The following SIL1 variants were observed in gnomAD, a reference collection of about 807,000 sequenced individuals.
SIL1 encodes SIL1 nucleotide exchange factor, also known as nucleotide exchange factor SIL1.
Under a neutral mutation model 49.1 loss-of-function variants are expected in SIL1, and 40 were observed. That is an observed-to-expected ratio of 0.81 (90% CI 0.63 to 1.06). The LOEUF is 1.06. SIL1 is among the 50% of genes least tolerant of loss of function. The probability of loss-of-function intolerance (pLI) is 0.00; values close to 1 mark genes in which losing one functional copy is unlikely to be tolerated. For missense variants in SIL1, 500 were observed against 572.6 expected (o/e 0.87, Z 1.29); for synonymous variants, 253 against 250.8 (o/e 1.01, Z -0.08).
intron 1 of SIL1, chr5:139,131,756 G>A (rs1476216349): frequency 6.6e-6 from 1 of 152,398 alleles, no homozygotes; most frequent in African/African-American, 2.4e-5. Flanking sequence ...ATCCCTGGGT[G>A]TGAGCAGGAG....
intron 5 of SIL1, 95 bp downstream of exon 5, chr5:139,042,525 T>G: frequency 2.0e-6 from 2 of 1,019,750 alleles, no homozygotes; most frequent in Admixed American, 1.7e-5. Context: ...TATCCCATGT[T>G]TATTGCAAGA....
chr5:139,185,886 T>A (rs929412254), intron 1 of SIL1, among the ~76,000 whole-genome samples: 18 of 152,274 alleles, frequency 1.2e-4, no homozygotes, highest in Non-Finnish European at 4.4e-5. Flanking sequence ...TGCAAAAGGT[T>A]CCATGGAGAT....
At chr5:139,101,308 C>T (rs1026353058) in intron 3 of SIL1, among the ~76,000 whole-genome samples, 1 of 152,184 alleles carries the variant, frequency 6.6e-6, no homozygotes, top group African/African-American at 2.4e-5. Context: ...ACCCTTTATA[C>T]TCCACCTCAT....
chr5:139,113,563 A>AGAACAAACTTAGAAGTACTG, intron 3 of SIL1, among the ~76,000 whole-genome samples: 1 of 151,944 alleles, frequency 6.6e-6, no homozygotes, highest in Non-Finnish European at 1.5e-5. Flanking sequence ...TCTCTTCTCT[A>AGAACAAACTTAGAAGTACTG]TCTAGTGAAG....
rs1432539133 is a variant in SIL1 at position 139,045,545 on chromosome 5, C to T, written c.354-2826G>A. On this transcript the variant is annotated intron_variant, in intron 4 of 9. Transcript: ENST00000394817. The stretch of plus-strand genomic sequence containing the variant: ...ATCCTCCCCTAGTTACTTTAAAAAC[C>T]TATCTGCCAGTAATCTCCACATTTA... 2.6e-5 allele frequency among the ~76,000 whole-genome samples: 4 copies of T among 152,256 alleles called. No homozygotes were observed. In the East Asian group the frequency reaches 7.7e-4, roughly 29 times the overall value.
rs1766763399 is a variant in SIL1, at chr5:138,951,143, AGGAGACTGGGTGGG to A, written c.1029+14_1029+27del. Reference sequence around the variant, plus strand: ...CAGAAGCACACACAAAGCAAACAAGAGGAGACTGGGTGGGCCTGGGCACTCACCTTCTCCGTGAC... The same window carrying A: ...CAGAAGCACACACAAAGCAAACAAGACCTGGGCACTCACCTTCTCCGTGAC... On this transcript the variant is annotated intron_variant, in intron 9 of 9. Coordinates refer to ENST00000394817, the MANE Select transcript of SIL1 (RefSeq NM_022464.5). 1 of 1,608,160 alleles carries A rather than the reference AGGAGACTGGGTGGG, an allele frequency of 6.2e-7. No homozygotes were observed. The highest frequency in any genetic ancestry group is 1.1e-5 in the South Asian group (1 of 89,720).
intron 7 of SIL1, among the ~76,000 whole-genome samples, chr5:138,993,401 A>G (rs766410506): frequency 1.3e-5 from 2 of 152,178 alleles, no homozygotes; most frequent in Non-Finnish European, 2.9e-5. Context: ...GAAAAAATAA[A>G]TATCTATCCC....
intron 1 of SIL1, among the ~76,000 whole-genome samples, chr5:139,146,472 C>A (rs548874435): frequency 4.1e-4 from 62 of 152,244 alleles, no homozygotes; most frequent in African/African-American, 1.4e-3. Context: ...GTGGGAGAAT[C>A]ATTTGAGCCC....
chr5:139,186,624 C>G (rs1435348727), intron 1 of SIL1, among the ~76,000 whole-genome samples: 1 of 152,230 alleles, frequency 6.6e-6, no homozygotes, highest in Admixed American at 6.5e-5. Flanking sequence ...TCTGTTGCCT[C>G]TCTGTTCCCA....
At chr5:139,069,881 T>C (rs989674045) in intron 3 of SIL1, among the ~76,000 whole-genome samples, 2 of 152,126 alleles carry the variant, frequency 1.3e-5, no homozygotes, top group Non-Finnish European at 2.9e-5. Flanking sequence ...AGCCAAGGAT[T>C]TTATATCCTA....
At chr5:139,050,332 T>C (rs992402079) in intron 4 of SIL1, among the ~76,000 whole-genome samples, 3 of 152,098 alleles carry the variant, frequency 2.0e-5, no homozygotes, top group South Asian at 4.1e-4. Context: ...TCAGGAAATA[T>C]CAAGCAAAGA....
chr5:139,065,856 T>C (rs1316091089), intron 3 of SIL1, among the ~76,000 whole-genome samples: 1 of 152,252 alleles, frequency 6.6e-6, no homozygotes, highest in Non-Finnish European at 1.5e-5. Context: ...TGCTCCCTCC[T>C]ATTCATAGGC....
intron 7 of SIL1, among the ~76,000 whole-genome samples, chr5:139,005,433 T>G (rs138859095): frequency 0.013 from 1,908 of 150,996 alleles, 35 homozygotes; most frequent in African/African-American, 0.043. Context: ...TTTTATTTAT[T>G]TATTTATTTA....
chr5:138,995,239 T>A (rs1468810040), intron 7 of SIL1, among the ~76,000 whole-genome samples: 1 of 144,842 alleles, frequency 6.9e-6, no homozygotes, highest in East Asian at 1.9e-4. Flanking sequence ...TCTATCACCT[T>A]AAATATTCAT....
chr5:139,093,339 CA>C (rs1028259333), intron 3 of SIL1, among the ~76,000 whole-genome samples: 21 of 152,304 alleles, frequency 1.4e-4, no homozygotes, highest in Middle Eastern at 3.4e-3. Context: ...TCTGTTACAG[CA>C]GCATAAAATG....
chr5:138,996,833 C>T (rs187780990), intron 7 of SIL1, among the ~76,000 whole-genome samples: 1 of 152,004 alleles, frequency 6.6e-6, no homozygotes, highest in Admixed American at 6.6e-5. Flanking sequence ...AGATTTTTAG[C>T]TTGATGTAAT....
At chr5:139,154,033 T>C (rs1751359390) in intron 1 of SIL1, among the ~76,000 whole-genome samples, 1 of 152,218 alleles carries the variant, frequency 6.6e-6, no homozygotes, top group Non-Finnish European at 1.5e-5. Context: ...CCTTCTTCAG[T>C]TCTTTTCTCA....
chr5:139,190,720 G>A (rs1752152400), intron 1 of SIL1, among the ~76,000 whole-genome samples: 2 of 152,154 alleles, frequency 1.3e-5, no homozygotes, highest in African/African-American at 4.8e-5. Flanking sequence ...GGCAGTAACA[G>A]AACTAGAAGT....
At chr5:139,155,823 T>C (rs1162486618) in intron 1 of SIL1, among the ~76,000 whole-genome samples, 7 of 148,018 alleles carry the variant, frequency 4.7e-5, no homozygotes, top group Admixed American at 1.4e-4. Flanking sequence ...GGGGGAACTG[T>C]CCCAGGTCAA....
Sources: allele counts gnomAD v4.1 joint callset (sites outside exome capture counted in the v4.1 genomes callset), GRCh38; gene constraint gnomAD v4.1.1; transcripts MANE v1.5; gene names NCBI Gene and HGNC (gene_info 2026-07-23, HGNC 2026-07-21).